WDR43: variants seen among roughly 807,000 people sequenced by gnomAD.
The protein encoded by WDR43 is WD repeat domain 43, also known as WD repeat-containing protein 43.
A neutral mutation model predicts 91.4 loss-of-function variants in WDR43; 13 were observed. The observed-to-expected ratio is 0.14, with a 90% CI of 0.09 to 0.23. WDR43 has a LOEUF of 0.23. Among genes scored for constraint, WDR43 ranks in the 10% least tolerant of loss-of-function variants. WDR43 has a pLI of 1.00. For synonymous variants in WDR43, 331 were observed against 287.9 expected (o/e 1.15, Z -1.51); for missense variants, 780 against 809.4 (o/e 0.96, Z 0.44).
chr2:28,914,229 T>TG (rs1257407295), intron 5 of WDR43, 21 bp downstream of exon 5: 1 of 1,600,828 alleles, frequency 6.2e-7, no homozygotes, highest in East Asian at 2.2e-5. Context: ...CTTTTGGATT[T>TG]GGGAGGTAGC....
intron 9 of WDR43, chr2:28,927,177 T>C (rs774911612): frequency 3.9e-6 from 2 of 518,104 alleles, no homozygotes; most frequent in Non-Finnish European, 7.7e-6. Context: ...GAGGTAGTTG[T>C]AAAATGTGTA....
intron 3 of WDR43, among the ~76,000 whole-genome samples, chr2:28,909,635 G>A (rs1450369843): frequency 1.3e-5 from 2 of 152,174 alleles, no homozygotes; most frequent in South Asian, 4.1e-4. Context: ...CACTTTGGAA[G>A]GCTGAGGTGG....
Position 28,920,775 on chromosome 2 carries a change from C to T in WDR43, c.850-2144C>T, listed in dbSNP as rs1187841967. Among the ~76,000 whole-genome samples the T allele has an allele frequency of 7.9e-5, 12 of 152,064 alleles. 1 individual carries two copies. In the South Asian group the frequency reaches 1.2e-3, roughly 16 times the overall value. On this transcript the variant is annotated intron_variant, in intron 6 of 17. Coordinates refer to ENST00000407426, the MANE Select transcript of WDR43 (RefSeq NM_015131.3). ...CACTGCAAACTCTGCCTCCCAGGTT[C>T]GAGCATTTCTTCTGTCTCAGCCTCC...
In WDR43 at chr2:28,902,090, G is replaced by A; in HGVS notation, c.329G>A (p.Ser110Asn). The change falls in exon 2 of 18, where the codon AGC becomes AAC. Residue 110 changes from serine to asparagine, a missense_variant. By Grantham distance (46) the Ser-to-Asn change is conservative. This residue lies in a region of WDR43 where 174 missense variants were observed against 207.3 expected (regional missense o/e 0.84). Transcript: ENST00000407426. ...GTAVGSILLY[S>N]TVKGELHSKL... ...GCAGTTGGTAGCATTTTATTATACA[G>A]CACAGTAAAAGGAGAGTTACACAGT... 6.2e-7 allele frequency: 1 copy of A among 1,601,398 alleles called. No individual in the cohort carries two copies. Among genetic ancestry groups the A allele is most frequent in the Non-Finnish European group, 8.5e-7 (1 of 1,174,364 alleles).
At chr2:28,942,783 C>A (rs572711605) in intron 16 of WDR43, among the ~76,000 whole-genome samples, 1 of 151,722 alleles carries the variant, frequency 6.6e-6, no homozygotes, top group Non-Finnish European at 1.5e-5. Flanking sequence ...GCCCGGCCAA[C>A]TTTGGTATTT....
intron 2 of WDR43, among the ~76,000 whole-genome samples, chr2:28,903,020 C>T (rs536909825): frequency 2.6e-5 from 4 of 151,968 alleles, no homozygotes; most frequent in East Asian, 3.9e-4. Context: ...AGTCTGTCGC[C>T]GAGAGGTCCT....
intron 8 of WDR43, among the ~76,000 whole-genome samples, chr2:28,925,882 A>G (rs1041416841): frequency 6.6e-6 from 1 of 152,148 alleles, no homozygotes; most frequent in Non-Finnish European, 1.5e-5. Flanking sequence ...GTTTGCAGCC[A>G]TTGTTGACTA....
chr2:28,937,943 G>A lies in WDR43; in HGVS notation c.1569G>A (p.Met523Ile). The change falls in exon 14 of 18, where the codon ATG (methionine) becomes ATA (isoleucine). Residue 523 changes from methionine (M) to isoleucine (I), a missense_variant. This residue lies in a region of WDR43 where 426 missense variants were observed against 467.8 expected (regional missense o/e 0.91). Transcript: ENST00000407426. ...LQGHPNSAVLMVQWLKCVLTV... is the reference protein window; with the variant it reads ...LQGHPNSAVLIVQWLKCVLTV... ...TTTTTTTTTCCAGTGCTGTGCTAAT[G>A]GTTCAGTGGCTAAAATGTGTGTTAA... is the stretch of plus-strand genomic sequence containing the variant. The A allele has an allele frequency of 6.2e-7, 1 of 1,613,714 alleles. No individual in the cohort carries two copies. Among genetic ancestry groups the A allele is most frequent in the East Asian group, 2.2e-5 (1 of 44,864 alleles).
At chr2:28,943,520 G>A (rs1671487203) in intron 16 of WDR43, among the ~76,000 whole-genome samples, 1 of 152,152 alleles carries the variant, frequency 6.6e-6, no homozygotes, top group African/African-American at 2.4e-5. Context: ...GTCAAAAAGG[G>A]AACATTTTAG....
chr2:28,899,551 G>T (rs111421697), intron 1 of WDR43, among the ~76,000 whole-genome samples: 4 of 152,298 alleles, frequency 2.6e-5, no homozygotes, highest in African/African-American at 9.6e-5. Flanking sequence ...GCAAATTGTG[G>T]ATGCTTTTAA....
rs546975076 is a variant in WDR43 at position 28,924,521 on chromosome 2, G to C, written c.915-461G>C. ...CAAGTTGGGAGTGCTGCAGGGACAA[G>C]CCAGGGTAGAGGAAGAATGTGAAGA... On this transcript the variant is annotated intron_variant, in intron 7 of 17. Coordinates refer to ENST00000407426, the MANE Select transcript of WDR43 (RefSeq NM_015131.3). Among the ~76,000 whole-genome samples the C allele has an allele frequency of 3.3e-5, 5 of 152,266 alleles. No individual in the cohort carries two copies. In the South Asian group the frequency reaches 8.3e-4, roughly 25 times the overall value.
chr2:28,941,621 G>C, intron 15 of WDR43, 47 bp downstream of exon 15: 1 of 1,379,316 alleles, frequency 7.2e-7, no homozygotes, highest in Non-Finnish European at 1.0e-6. Context: ...GACATGGTAG[G>C]AATGGAGAGA....
intron 4 of WDR43, 35 bp downstream of exon 4, chr2:28,912,745 TA>T (rs1670826976): frequency 6.2e-7 from 1 of 1,608,572 alleles, no homozygotes; most frequent in Non-Finnish European, 8.5e-7. Context: ...GCATAAAAAT[TA>T]TAGAGTAAAC....
chr2:28,914,355 A>G (rs1323457327), intron 5 of WDR43, 147 bp downstream of exon 5: 1 of 1,061,456 alleles, frequency 9.4e-7, no homozygotes, highest in African/African-American at 1.6e-5. Flanking sequence ...GAGCCTGCCT[A>G]CAAAACAGAT....
intron 3 of WDR43, among the ~76,000 whole-genome samples, chr2:28,910,588 TGTGA>T (rs1324968684): frequency 5.9e-5 from 9 of 151,786 alleles, no homozygotes; most frequent in African/African-American, 2.2e-4. Context: ...ATTTGTGTAT[TGTGA>T]GTATTAATCC....
intron 2 of WDR43, among the ~76,000 whole-genome samples, chr2:28,904,746 T>C (rs972549308): frequency 2.0e-5 from 3 of 152,264 alleles, no homozygotes; most frequent in African/African-American, 7.2e-5. Flanking sequence ...GGAAGGAAAG[T>C]AACTGAATGT....
intron 3 of WDR43, among the ~76,000 whole-genome samples, chr2:28,910,195 G>C (rs1279680451): frequency 6.6e-6 from 1 of 152,176 alleles, no homozygotes; most frequent in Admixed American, 6.5e-5. Flanking sequence ...TAGGGTGTGG[G>C]GAGGATAGAA....
At chr2:28,937,154 T>C (rs1213273452) in intron 13 of WDR43, among the ~76,000 whole-genome samples, 6 of 152,240 alleles carry the variant, frequency 3.9e-5, no homozygotes, top group Non-Finnish European at 8.8e-5. Flanking sequence ...ATTGATACTT[T>C]AGCTTTATTA....
chr2:28,906,707 C>G, intron 3 of WDR43, 126 bp downstream of exon 3: 2 of 1,215,014 alleles, frequency 1.6e-6, no homozygotes, highest in Non-Finnish European at 2.2e-6. Context: ...ATCGAGCATG[C>G]AAGATTTTAA....
Sources: allele counts gnomAD v4.1 joint callset (sites outside exome capture counted in the v4.1 genomes callset), GRCh38; gene constraint gnomAD v4.1.1; regional missense constraint gnomAD v4.1.1; transcripts MANE v1.5; gene names NCBI Gene and HGNC (gene_info 2026-07-23, HGNC 2026-07-21).